The following TACR1 variants were observed in gnomAD, a reference collection of about 807,000 sequenced individuals.
TACR1 encodes substance-P receptor.
A neutral mutation model predicts 35.8 loss-of-function variants in TACR1; 25 were observed. That is an observed-to-expected ratio of 0.70 (90% CI 0.51 to 0.98). TACR1 has a LOEUF of 0.98. Among genes scored for constraint, TACR1 ranks in the 50% least tolerant of loss-of-function variants. The probability of loss-of-function intolerance (pLI) is 0.00; values close to 1 mark genes in which losing one functional copy is unlikely to be tolerated. For synonymous variants in TACR1, 195 were observed against 206.7 expected (o/e 0.94, Z 0.48); for missense variants, 478 against 522.9 (o/e 0.91, Z 0.84).
At chr2:75,098,799 C>A (rs560268598) in intron 2 of TACR1, among the ~76,000 whole-genome samples, 1 of 152,196 alleles carries the variant, frequency 6.6e-6, no homozygotes, top group African/African-American at 2.4e-5. Flanking sequence ...TTGTGGCAGG[C>A]AATCTCCTGT....
At chr2:75,173,866 A>G (rs1423929561) in intron 1 of TACR1, among the ~76,000 whole-genome samples, 6 of 152,208 alleles carry the variant, frequency 3.9e-5, no homozygotes, top group Admixed American at 3.9e-4. Flanking sequence ...TATGCAAAGA[A>G]CAGTTCTGTA....
At chr2:75,059,440 T>C (rs1672628272) in intron 2 of TACR1, among the ~76,000 whole-genome samples, 2 of 152,212 alleles carry the variant, frequency 1.3e-5, no homozygotes, top group Non-Finnish European at 2.9e-5. Flanking sequence ...CTAGGGAGCC[T>C]TGAAAAATTC....
At chr2:75,178,847 A>G (rs1385529476) in intron 1 of TACR1, among the ~76,000 whole-genome samples, 3 of 152,176 alleles carry the variant, frequency 2.0e-5, no homozygotes, top group South Asian at 2.1e-4. Flanking sequence ...CTTGTTGGTC[A>G]TATTTGCCAG....
At chr2:75,124,347 C>G (rs1308019165) in intron 1 of TACR1, among the ~76,000 whole-genome samples, 1 of 152,192 alleles carries the variant, frequency 6.6e-6, no homozygotes, top group African/African-American at 2.4e-5. Context: ...CCTGCTATAC[C>G]AGTCCCAAAT....
chr2:75,086,336 G>GT (rs1420083754), intron 2 of TACR1, among the ~76,000 whole-genome samples: 7 of 152,166 alleles, frequency 4.6e-5, no homozygotes, highest in Non-Finnish European at 8.8e-5. Flanking sequence ...TCCATGATAT[G>GT]TTTTTGCATG....
intron 1 of TACR1, among the ~76,000 whole-genome samples, chr2:75,143,213 A>G (rs1674444078): frequency 6.6e-6 from 1 of 152,246 alleles, no homozygotes; most frequent in Admixed American, 6.5e-5. Context: ...GGTAGAAAGC[A>G]GGCTGGATCC....
chr2:75,168,511 C>A (rs530481164), intron 1 of TACR1, among the ~76,000 whole-genome samples: 26 of 152,228 alleles, frequency 1.7e-4, no homozygotes, highest in African/African-American at 6.0e-4. Flanking sequence ...GGGCAGTGAG[C>A]CAAGGAATGC....
chr2:75,055,832 C>T (rs1180525548), intron 2 of TACR1, among the ~76,000 whole-genome samples: 1 of 152,170 alleles, frequency 6.6e-6, no homozygotes, highest in African/African-American at 2.4e-5. Flanking sequence ...GTTTCAGACT[C>T]AGCAGGGCTG....
intron 1 of TACR1, among the ~76,000 whole-genome samples, chr2:75,176,508 G>A (rs1338146280): frequency 2.0e-5 from 3 of 151,958 alleles, no homozygotes; most frequent in African/African-American, 4.8e-5. Context: ...AGCTCATCAA[G>A]CAATTCCCTC....
intron 1 of TACR1, among the ~76,000 whole-genome samples, chr2:75,125,180 T>C (rs1254974926): frequency 6.6e-6 from 1 of 152,054 alleles, no homozygotes; most frequent in Non-Finnish European, 1.5e-5. Context: ...CTTTTTTTTC[T>C]ATTCTTTCTT....
rs75571064 is a variant in TACR1 at position 75,190,362 on chromosome 2, G to A, written c.389+8184C>T. Among the ~76,000 whole-genome samples the A allele has an allele frequency of 7.2e-3, 1,101 of 152,320 alleles. 11 individuals carry two copies. Among genetic ancestry groups the A allele is most frequent in the African/African-American group, 0.025 (1,059 of 41,570 alleles). Reference sequence around the variant, plus strand: ...AAATGATGGACTACTGGTAGACTGTGTGTACATTTCCAAAGATGGAAAGAA... The same window carrying A: ...AAATGATGGACTACTGGTAGACTGTATGTACATTTCCAAAGATGGAAAGAA... On this transcript the variant is annotated intron_variant, in intron 1 of 4. Transcript: ENST00000305249.
At chr2:75,124,576 G>A (rs1674037483) in intron 1 of TACR1, among the ~76,000 whole-genome samples, 1 of 152,162 alleles carries the variant, frequency 6.6e-6, no homozygotes, top group Admixed American at 6.5e-5. Flanking sequence ...TCAAGGGTTG[G>A]CAATTTTTTT....
At chr2:75,164,126 G>C (rs1191620989) in intron 1 of TACR1, among the ~76,000 whole-genome samples, 3 of 152,080 alleles carry the variant, frequency 2.0e-5, no homozygotes, top group Non-Finnish European at 4.4e-5. Context: ...AGGAGATCAA[G>C]ACCATCCTGC....
At chr2:75,171,944 A>ACGG (rs1675296322) in intron 1 of TACR1, among the ~76,000 whole-genome samples, 1 of 152,066 alleles carries the variant, frequency 6.6e-6, no homozygotes, top group Non-Finnish European at 1.5e-5. Context: ...GTGAGCGAAG[A>ACGG]CTTTGGGGGA....
intron 1 of TACR1, among the ~76,000 whole-genome samples, chr2:75,171,653 A>G (rs1187202563): frequency 6.6e-6 from 1 of 152,228 alleles, no homozygotes; most frequent in African/African-American, 2.4e-5. Flanking sequence ...GAGCTGCCCA[A>G]GACCATGGGA....
intron 1 of TACR1, among the ~76,000 whole-genome samples, chr2:75,152,538 T>G (rs1674697254): frequency 6.6e-6 from 1 of 152,210 alleles, no homozygotes; most frequent in Non-Finnish European, 1.5e-5. Flanking sequence ...CCAATTAAAC[T>G]TCTTTTTCTT....
At chr2:75,141,228 C>A (rs1292995664) in intron 1 of TACR1, among the ~76,000 whole-genome samples, 1 of 152,194 alleles carries the variant, frequency 6.6e-6, no homozygotes, top group South Asian at 2.1e-4. Context: ...TGCAAATCCA[C>A]ATTTATATGG....
At chr2:75,096,581 A>T (rs151208333) in intron 2 of TACR1, among the ~76,000 whole-genome samples, 1 of 152,324 alleles carries the variant, frequency 6.6e-6, no homozygotes, top group African/African-American at 2.4e-5. Context: ...TAGAGAGCAG[A>T]TGTGTAAACG....
intron 2 of TACR1, among the ~76,000 whole-genome samples, chr2:75,099,125 TGAG>T (rs1673482281): frequency 6.6e-6 from 1 of 152,082 alleles, no homozygotes; most frequent in African/African-American, 2.4e-5. Context: ...CCCTGATCAC[TGAG>T]GACCTCAGCT....
Sources: allele counts gnomAD v4.1 joint callset (sites outside exome capture counted in the v4.1 genomes callset), GRCh38; gene constraint gnomAD v4.1.1; transcripts MANE v1.5; gene names NCBI Gene and HGNC (gene_info 2026-07-23, HGNC 2026-07-21).